The following INPP4B variants were observed in gnomAD, a reference collection of about 807,000 sequenced individuals.
INPP4B encodes the protein inositol polyphosphate 4-phosphatase type II.
A neutral mutation model predicts 122.5 loss-of-function variants in INPP4B; 55 were observed. That is an observed-to-expected ratio of 0.45 (90% confidence interval 0.36 to 0.56). INPP4B has a LOEUF of 0.56. Ranked by LOEUF, INPP4B falls within the 20% of genes least tolerant of loss-of-function variation. The probability of loss-of-function intolerance (pLI) is 0.00; values close to 1 mark genes in which losing one functional copy is unlikely to be tolerated. For synonymous variants in INPP4B, 403 were observed against 388.7 expected, an observed-to-expected ratio of 1.04 and a Z score of -0.43; for missense variants, 1,000 against 1,097.7, an observed-to-expected ratio of 0.91 and a Z score of 1.26.
chr4:142,293,990 T>C (rs573177297), intron 9 of INPP4B, among the ~76,000 whole-genome samples: 2 of 152,276 alleles, frequency 1.3e-5, no homozygotes, highest in African/African-American at 4.8e-5. Flanking sequence ...AGCTAAGTAA[T>C]GTGTACACGT....
At chr4:142,273,644 T>G (rs1746984813) in intron 9 of INPP4B, among the ~76,000 whole-genome samples, 1 of 151,958 alleles carries the variant, frequency 6.6e-6, no homozygotes. Flanking sequence ...TCCTTCCTTT[T>G]GGGTTTCCTA....
At chr4:142,792,681 C>T (rs1027174801) in intron 1 of INPP4B, among the ~76,000 whole-genome samples, 14 of 152,002 alleles carry the variant, frequency 9.2e-5, no homozygotes, top group Admixed American at 1.3e-4. Flanking sequence ...TCCTGAGAGT[C>T]TTCTCAGATG....
chr4:142,320,577 C>T (rs751297587), intron 7 of INPP4B, among the ~76,000 whole-genome samples: 23 of 152,008 alleles, frequency 1.5e-4, no homozygotes, highest in Non-Finnish European at 1.8e-4. Flanking sequence ...TGGTGATTTC[C>T]GAGATTTTGG....
At chr4:142,643,724 C>T (rs751605642) in intron 2 of INPP4B, among the ~76,000 whole-genome samples, 11 of 152,278 alleles carry the variant, frequency 7.2e-5, no homozygotes, top group South Asian at 4.1e-4. Context: ...CATGAAAATA[C>T]TTAATAGCTA....
At chr4:142,692,930 GATAGATAC>G (rs988871786) in intron 2 of INPP4B, among the ~76,000 whole-genome samples, 15 of 150,376 alleles carry the variant, frequency 1.0e-4, no homozygotes, top group Non-Finnish European at 2.1e-4. Context: ...TAGATAGATA[GATAGATAC>G]ATAGATACAT....
intron 16 of INPP4B, among the ~76,000 whole-genome samples, chr4:142,163,300 C>T (rs1368265845): frequency 6.6e-6 from 1 of 151,904 alleles, no homozygotes; most frequent in Non-Finnish European, 1.5e-5. Flanking sequence ...GCCATCCTGC[C>T]TCAGATTGTC....
chr4:142,427,066 C>T (rs936888320), intron 5 of INPP4B: 4 of 152,502 alleles, frequency 2.6e-5, no homozygotes, highest in Admixed American at 1.3e-4. Context: ...TAATAGGTGA[C>T]GTCGGAGGAT....
At chr4:142,316,596 T>A (rs1036644775) in intron 7 of INPP4B, among the ~76,000 whole-genome samples, 9 of 152,130 alleles carry the variant, frequency 5.9e-5, no homozygotes, top group South Asian at 2.1e-4. Context: ...ATTAATTTTT[T>A]AAAAAATTGA....
intron 2 of INPP4B, among the ~76,000 whole-genome samples, chr4:142,613,132 TAAAG>T (rs1742931314): frequency 6.6e-6 from 1 of 152,146 alleles, no homozygotes; most frequent in Non-Finnish European, 1.5e-5. Flanking sequence ...AGACATTCAA[TAAAG>T]AGAGAGCTTT....
chr4:142,815,407 T>C (rs1779999008), intron 1 of INPP4B, among the ~76,000 whole-genome samples: 1 of 152,182 alleles, frequency 6.6e-6, no homozygotes, highest in South Asian at 2.1e-4. Context: ...AGAAATCAGA[T>C]GTGCAATGCA....
At chr4:142,627,823 A>G (rs539520682) in intron 2 of INPP4B, among the ~76,000 whole-genome samples, 404 of 152,236 alleles carry the variant, frequency 2.7e-3, no homozygotes, top group African/African-American at 9.1e-3. Context: ...TTTCAGAAGA[A>G]ATGGTACCAG....
chr4:142,201,552 C>A (rs976509019), intron 14 of INPP4B, among the ~76,000 whole-genome samples: 2 of 151,896 alleles, frequency 1.3e-5, no homozygotes, highest in Admixed American at 1.3e-4. Context: ...TCTATGTATA[C>A]CATGTGATTT....
chr4:142,641,037 T>C (rs1178311927), intron 2 of INPP4B, among the ~76,000 whole-genome samples: 1 of 152,072 alleles, frequency 6.6e-6, no homozygotes, highest in East Asian at 1.9e-4. Flanking sequence ...ACGTTGCAGG[T>C]AAACATAACC....
At chr4:142,649,997 A>G (rs1009451389) in intron 2 of INPP4B, among the ~76,000 whole-genome samples, 8 of 152,382 alleles carry the variant, frequency 5.2e-5, no homozygotes, top group Admixed American at 2.6e-4. Context: ...AGGGAAGCCC[A>G]TCAGACAAAC....
At chr4:142,107,585 C>A (rs1787800548) in intron 23 of INPP4B, among the ~76,000 whole-genome samples, 1 of 151,996 alleles carries the variant, frequency 6.6e-6, no homozygotes. Flanking sequence ...GGCTTGGGTG[C>A]CTTAACTTTT....
chr4:142,365,583 T>C (rs537280937), intron 7 of INPP4B, among the ~76,000 whole-genome samples: 1 of 152,096 alleles, frequency 6.6e-6, no homozygotes, highest in Non-Finnish European at 1.5e-5. Flanking sequence ...ACAAGGAACA[T>C]TTATTTCAGA....
rs775993163 is a variant in INPP4B at position 142,398,859 on chromosome 4, T to C, written c.372+4079A>G. On this transcript the variant is annotated intron_variant, in intron 7 of 25. Coordinates refer to ENST00000262992, the MANE Select transcript of INPP4B (RefSeq NM_001101669.3). ...GACTACATCCTTCCCTGAGAAACGC[T>C]CGGTGTCTACTGGATACCAGTTTCT... Among the ~76,000 whole-genome samples, 21 of 152,204 alleles carry C rather than the reference T, an allele frequency of 1.4e-4. 1 individual carries two copies. The highest frequency in any genetic ancestry group is 8.5e-4 in the Admixed American group (13 of 15,282).
intron 1 of INPP4B, among the ~76,000 whole-genome samples, chr4:142,842,743 TATATA>T (rs1388502522): frequency 3.0e-5 from 4 of 132,016 alleles, no homozygotes; most frequent in East Asian, 2.0e-4. Context: ...ATTAATATAA[TATATA>T]ATATATCTAT....
At chr4:142,574,006 G>A (rs909837131) in intron 2 of INPP4B, among the ~76,000 whole-genome samples, 1 of 151,950 alleles carries the variant, frequency 6.6e-6, no homozygotes, top group African/African-American at 2.4e-5. Context: ...AACTGATGGG[G>A]AAATATGATG....
Sources: allele counts gnomAD v4.1 joint callset (sites outside exome capture counted in the v4.1 genomes callset), GRCh38; gene constraint gnomAD v4.1.1; transcripts MANE v1.5; gene names NCBI Gene and HGNC (gene_info 2026-07-23, HGNC 2026-07-21).